Variants in SYT9 observed in about 807,000 individuals in gnomAD.
The protein encoded by SYT9 is synaptotagmin-9.
SYT9 carries 22 observed loss-of-function variants against 48.4 expected under a neutral mutation model. The ratio of observed to expected loss-of-function variants is 0.45; its 90% CI spans 0.32 to 0.65. The LOEUF is 0.65. Among genes scored for constraint, SYT9 ranks in the 30% least tolerant of loss-of-function variants. The probability of loss-of-function intolerance (pLI) is 0.03; values close to 1 mark genes in which losing one functional copy is unlikely to be tolerated. For missense variants in SYT9, 577 were observed against 622.0 expected (o/e 0.93, Z 0.77); for synonymous variants, 265 against 245.0 (o/e 1.08, Z -0.76).
chr11:7,254,507 T>G (rs1299880591), intron 1 of SYT9, among the ~76,000 whole-genome samples: 1 of 152,182 alleles, frequency 6.6e-6, no homozygotes, highest in Non-Finnish European at 1.5e-5. Flanking sequence ...AAGAGTGTCT[T>G]TAATCTCGGA....
chr11:7,431,313 T>G (rs563390263), intron 6 of SYT9, among the ~76,000 whole-genome samples: 165 of 152,366 alleles, frequency 1.1e-3, no homozygotes, highest in Non-Finnish European at 1.9e-3. Context: ...AGAAGAAATT[T>G]CTAAGCAGCA....
intron 6 of SYT9, among the ~76,000 whole-genome samples, chr11:7,466,435 T>C (rs1848336170): frequency 6.6e-6 from 1 of 152,132 alleles, no homozygotes; most frequent in African/African-American, 2.4e-5. Flanking sequence ...TAAAAATGTA[T>C]GAATGGGCCA....
chr11:7,439,371 G>T (rs962497430), intron 6 of SYT9: 4 of 152,306 alleles, frequency 2.6e-5, no homozygotes, highest in African/African-American at 7.2e-5. Flanking sequence ...CAGAGCCAAG[G>T]TGGACTGATA....
chr11:7,358,539 G>T (rs546750847), intron 3 of SYT9, among the ~76,000 whole-genome samples: 3 of 152,202 alleles, frequency 2.0e-5, no homozygotes, highest in South Asian at 4.2e-4. Flanking sequence ...TTAAAGGGAT[G>T]GTTCTAGTGT....
At chr11:7,245,260 C>T (rs1847779281) in intron 1 of SYT9, among the ~76,000 whole-genome samples, 1 of 152,156 alleles carries the variant, frequency 6.6e-6, no homozygotes, top group African/African-American at 2.4e-5. Flanking sequence ...GTGTGCCTTG[C>T]TGGGTGGCCA....
At chr11:7,348,615 C>G (rs1849846246) in intron 3 of SYT9, among the ~76,000 whole-genome samples, 1 of 151,136 alleles carries the variant, frequency 6.6e-6, no homozygotes. Flanking sequence ...ACTGAGCACT[C>G]CCTCAGCATT....
chr11:7,269,219 G>A (rs746402909), intron 1 of SYT9, among the ~76,000 whole-genome samples: 1 of 151,946 alleles, frequency 6.6e-6, no homozygotes, highest in Non-Finnish European at 1.5e-5. Flanking sequence ...TCAGTTGGGG[G>A]GGTGGGAAAT....
intron 1 of SYT9, among the ~76,000 whole-genome samples, chr11:7,281,133 G>A (rs564742407): frequency 1.3e-5 from 2 of 152,286 alleles, no homozygotes; most frequent in African/African-American, 4.8e-5. Context: ...TTTTATGCAG[G>A]AGCATATGTA....
chr11:7,273,777 G>A (rs1161216230), intron 1 of SYT9, among the ~76,000 whole-genome samples: 1 of 152,124 alleles, frequency 6.6e-6, no homozygotes, highest in Non-Finnish European at 1.5e-5. Context: ...AATCTTTGGA[G>A]TTTACAGCAA....
intron 6 of SYT9, among the ~76,000 whole-genome samples, chr11:7,454,542 G>A (rs1848113489): frequency 6.6e-6 from 1 of 152,150 alleles, no homozygotes; most frequent in Non-Finnish European, 1.5e-5. Flanking sequence ...TGAAGACAAT[G>A]CGAGTAACTG....
At chr11:7,300,468 C>G (rs1848898174) in intron 1 of SYT9, among the ~76,000 whole-genome samples, 1 of 152,132 alleles carries the variant, frequency 6.6e-6, no homozygotes, top group Admixed American at 6.5e-5. Context: ...TTATGCTTCT[C>G]CCTTGGAGAG....
At chr11:7,333,835 C>T (rs1242543843) in intron 3 of SYT9, among the ~76,000 whole-genome samples, 1 of 152,180 alleles carries the variant, frequency 6.6e-6, no homozygotes, top group East Asian at 1.9e-4. Context: ...ATGTATTGGA[C>T]ATCAAGCACA....
chr11:7,422,792 C>G (rs572002583), intron 6 of SYT9, among the ~76,000 whole-genome samples: 1 of 152,044 alleles, frequency 6.6e-6, no homozygotes, highest in African/African-American at 2.4e-5. Flanking sequence ...GTGTTGCACA[C>G]GGGTCCCTGA....
chr11:7,305,332 C>T (rs756506477), intron 2 of SYT9, among the ~76,000 whole-genome samples: 2 of 152,196 alleles, frequency 1.3e-5, no homozygotes. Context: ...TGACCTAATA[C>T]TGACAATTTG....
In SYT9 at chr11:7,246,458, A is replaced by C. The variant is rs185469578; in HGVS notation, c.49+7542A>C. ...ATATTTGTTCAATGAATGAAAGAACAAATAGTTGGGGAAAGGTAACATATT... is the reference window on the plus strand; with the variant it reads ...ATATTTGTTCAATGAATGAAAGAACCAATAGTTGGGGAAAGGTAACATATT... On this transcript the variant is annotated intron_variant and NMD_transcript_variant, in intron 1 of 8. Transcript: ENST00000524820. Among the ~76,000 whole-genome samples the C allele has an allele frequency of 5.9e-5, 9 of 152,126 alleles. No homozygotes were observed. The East Asian group carries it at 1.7e-3, about 29-fold the overall frequency.
intron 6 of SYT9, among the ~76,000 whole-genome samples, chr11:7,432,616 T>G: frequency 3.2e-5 from 1 of 31,142 alleles, no homozygotes; most frequent in African/African-American, 1.3e-4. Context: ...TATATATATA[T>G]ATATATATAT....
At chr11:7,396,259 A>G (rs1233048486) in intron 3 of SYT9, among the ~76,000 whole-genome samples, 3 of 152,070 alleles carry the variant, frequency 2.0e-5, no homozygotes, top group South Asian at 4.1e-4. Flanking sequence ...GCATCCGCCA[A>G]TCACTTTATC....
At chr11:7,247,561 A>G (rs140092256), upstream of SYT9, among the ~76,000 whole-genome samples, 31,715 of 146,062 alleles carry the variant, frequency 0.22, 4,385 homozygotes, top group Admixed American at 0.3. Context: ...ATGTATATAC[A>G]CATATATACA....
chr11:7,409,643 T>A (rs1362282554), intron 3 of SYT9, among the ~76,000 whole-genome samples: 1 of 152,172 alleles, frequency 6.6e-6, no homozygotes, highest in Admixed American at 6.5e-5. Context: ...CTAGGTTTTC[T>A]GGTTTGTTAG....
Sources: gnomAD v4.1 joint callset for allele counts (sites outside exome capture counted in the v4.1 genomes callset) on GRCh38, gnomAD v4.1.1 for gene constraint, MANE v1.5 for transcripts, NCBI Gene and HGNC (gene_info 2026-07-23, HGNC 2026-07-21) for gene names.